The following GLG1 variants were observed in gnomAD, a reference collection of about 807,000 sequenced individuals.
The protein encoded by GLG1 is Golgi apparatus protein 1.
In GLG1, 38 loss-of-function variants were observed where a neutral mutation model predicts 160.5. That is an observed-to-expected ratio of 0.24 (90% CI 0.18 to 0.31). GLG1 has a LOEUF of 0.31. GLG1 is among the 10% of genes least tolerant of loss of function. The pLI, the probability that GLG1 is intolerant of heterozygous loss-of-function variation, is 1.00. For missense variants in GLG1, 1,373 were observed against 1,505.2 expected, an observed-to-expected ratio of 0.91 and a Z score of 1.45; for synonymous variants, 644 against 543.4, an observed-to-expected ratio of 1.19 and a Z score of -2.57.
chr16:74,506,598 A>AAAAAAC (rs1555511227), intron 3 of GLG1, among the ~76,000 whole-genome samples: 8 of 144,578 alleles, frequency 5.5e-5, no homozygotes, highest in African/African-American at 1.6e-4. Context: ...AAAAAAAAAA[A>AAAAAAC]AAAAAACTCA....
intron 2 of GLG1, among the ~76,000 whole-genome samples, chr16:74,512,773 A>C (rs1476852276): frequency 6.6e-6 from 1 of 152,184 alleles, no homozygotes. Context: ...AAGGGAATAA[A>C]CAATAAAAAT....
chr16:74,550,479 C>A (rs1011072991), intron 1 of GLG1, among the ~76,000 whole-genome samples: 16 of 152,128 alleles, frequency 1.1e-4, no homozygotes, highest in African/African-American at 3.6e-4. Flanking sequence ...AGCAGTCATA[C>A]CATATGGTGT....
At chr16:74,521,993 G>C (rs2017179254) in intron 2 of GLG1, among the ~76,000 whole-genome samples, 1 of 152,222 alleles carries the variant, frequency 6.6e-6, no homozygotes, top group Non-Finnish European at 1.5e-5. Flanking sequence ...AGCAAAGCAT[G>C]AAAGTACGGC....
chr16:74,454,700 AT>A (rs1184474871), intron 25 of GLG1, among the ~76,000 whole-genome samples: 14 of 76,220 alleles, frequency 1.8e-4, no homozygotes, highest in African/African-American at 2.9e-4. Flanking sequence ...AAAAAAAAAA[AT>A]TTTTTTTTTT....
intron 18 of GLG1, among the ~76,000 whole-genome samples, chr16:74,466,478 C>T (rs1019573): frequency 4.6e-5 from 7 of 152,064 alleles, no homozygotes; most frequent in Middle Eastern, 3.4e-3. Context: ...CTGGGGCTAT[C>T]GCAGGAAGCC....
chr16:74,605,133 T>C (rs373605302), intron 1 of GLG1, among the ~76,000 whole-genome samples: 1 of 152,184 alleles, frequency 6.6e-6, no homozygotes, highest in East Asian at 1.9e-4. Flanking sequence ...TATTTCTGTA[T>C]GTAAAAACTG....
intron 2 of GLG1, among the ~76,000 whole-genome samples, chr16:74,519,884 T>C (rs2017104457): frequency 6.6e-6 from 1 of 152,206 alleles, no homozygotes; most frequent in Admixed American, 6.5e-5. Flanking sequence ...CCCATCTTCC[T>C]GGTCCCACTC....
rs556944195 is a variant in GLG1, at chr16:74,472,507, C to A, written c.2053-96G>T. On this transcript the variant is annotated intron_variant, in intron 13 of 25. Coordinates refer to ENST00000422840, the MANE Select transcript of GLG1 (RefSeq NM_001145667.2). ...TTCTGAATCAGTAATATCTGATGGG[C>A]AAATAATCTAATACATACTTTTGGA... 14 of 1,341,724 alleles carry A rather than the reference C, an allele frequency of 1.0e-5. No individual in the cohort carries two copies. The Admixed American group carries it at 2.6e-4, about 25-fold the overall frequency. 83.1% of individuals were successfully genotyped at this position (1,341,724 alleles called of 1,614,324 possible). A position where few individuals can be genotyped will look rare whatever the true frequency, so the allele number is the denominator to read the frequency against.
intron 1 of GLG1, among the ~76,000 whole-genome samples, chr16:74,534,991 T>C (rs2017648200): frequency 2.6e-5 from 4 of 152,162 alleles, no homozygotes; most frequent in African/African-American, 9.7e-5. Context: ...CCTGGGTAGT[T>C]TGGCCTGTAT....
intron 1 of GLG1, among the ~76,000 whole-genome samples, chr16:74,554,058 A>G (rs928776179): frequency 6.6e-6 from 1 of 152,254 alleles, no homozygotes; most frequent in Non-Finnish European, 1.5e-5. Context: ...AGTAAATCTC[A>G]GTGACTGAGT....
chr16:74,508,817 A>G (rs2016703919), intron 3 of GLG1, 22 bp downstream of exon 3: 1 of 1,027,052 alleles, frequency 9.7e-7, no homozygotes, highest in Non-Finnish European at 1.5e-6. Context: ...TTAGTTGTCT[A>G]CAAAATTCTT....
In GLG1 at chr16:74,453,346, CA is replaced by C. The variant is rs2143111728; in HGVS notation, c.3373-13del. 1.3e-6 allele frequency: 2 copies of C among 1,591,504 alleles called. No individual in the cohort carries two copies. Among genetic ancestry groups the C allele is most frequent in the Non-Finnish European group, 1.7e-6 (2 of 1,159,810 alleles). Reference sequence around the variant, plus strand: ...TCTGCTGGGGCCACCTAGAATGACACAAGGCAATGTGATTCTCTGAGAGAGC... The same window carrying C: ...TCTGCTGGGGCCACCTAGAATGACACAGGCAATGTGATTCTCTGAGAGAGC... On this transcript the variant is annotated splice_polypyrimidine_tract_variant and intron_variant, in intron 25 of 25. Transcript: ENST00000422840.
At chr16:74,577,618 T>G (rs1306006664) in intron 1 of GLG1, among the ~76,000 whole-genome samples, 1 of 151,856 alleles carries the variant, frequency 6.6e-6, no homozygotes, top group African/African-American at 2.4e-5. Flanking sequence ...ATTCTTTTTA[T>G]TTTTATTTTT....
intron 2 of GLG1, among the ~76,000 whole-genome samples, chr16:74,509,527 G>C (rs2016732358): frequency 6.6e-6 from 1 of 151,704 alleles, no homozygotes; most frequent in Non-Finnish European, 1.5e-5. Flanking sequence ...CTAGTTTCTA[G>C]GCATATTTAT....
intron 1 of GLG1, among the ~76,000 whole-genome samples, chr16:74,589,570 T>G (rs908184649): frequency 6.6e-6 from 1 of 152,150 alleles, no homozygotes; most frequent in Non-Finnish European, 1.5e-5. Context: ...CCCACACCAC[T>G]ACACTATTTA....
At chr16:74,544,498 T>C (rs1295874736) in intron 1 of GLG1, among the ~76,000 whole-genome samples, 1 of 151,916 alleles carries the variant, frequency 6.6e-6, no homozygotes, top group Non-Finnish European at 1.5e-5. Flanking sequence ...TTTTGTTTTT[T>C]GTTGTTGTTT....
intron 1 of GLG1, among the ~76,000 whole-genome samples, chr16:74,543,580 C>T (rs2017963995): frequency 6.6e-6 from 1 of 152,060 alleles, no homozygotes; most frequent in Non-Finnish European, 1.5e-5. Context: ...TTTCTTCTTG[C>T]TTAGATAACA....
rs1358040403 is a variant in GLG1, at chr16:74,465,930, C to G, written c.2530-117G>C. 5.7e-6 allele frequency: 5 copies of G among 876,268 alleles called. No individual in the cohort carries two copies. In the East Asian group the frequency reaches 1.2e-4, roughly 21 times the overall value. The allele number at this position is 876,268 out of a possible 1,614,324, so 54.3% of individuals were successfully genotyped here. On this transcript the variant is annotated intron_variant, in intron 18 of 25. Coordinates refer to ENST00000422840, the MANE Select transcript of GLG1 (RefSeq NM_001145667.2). The stretch of plus-strand genomic sequence containing the variant: ...CATTTCTTTATCCATTTCTCATTCC[C>G]AGGCAATCGGAATCAGGATTTCCTT...
At chr16:74,592,281 T>A (rs1054611196) in intron 1 of GLG1, among the ~76,000 whole-genome samples, 31 of 152,190 alleles carry the variant, frequency 2.0e-4, no homozygotes, top group African/African-American at 7.0e-4. Flanking sequence ...TAGCTGGGAT[T>A]ATAGGCACAT....
Sources: gnomAD v4.1 joint callset for allele counts (sites outside exome capture counted in the v4.1 genomes callset) on GRCh38, gnomAD v4.1.1 for gene constraint, MANE v1.5 for transcripts, NCBI Gene and HGNC (gene_info 2026-07-23, HGNC 2026-07-21) for gene names.